CTNNA3: variants seen among roughly 807,000 people sequenced by gnomAD.
The protein encoded by CTNNA3 is catenin alpha 3.
CTNNA3 carries 76 observed loss-of-function variants against 95.7 expected under a neutral mutation model. The observed-to-expected ratio is 0.79, with a 90% CI of 0.66 to 0.96. The LOEUF is 0.96. Ranked by LOEUF, CTNNA3 falls within the 40% of genes least tolerant of loss-of-function variation. CTNNA3 has a pLI of 0.00. For missense variants in CTNNA3, 1,191 were observed against 1,089.8 expected, an observed-to-expected ratio of 1.09 and a Z score of -1.31; for synonymous variants, 431 against 374.4, an observed-to-expected ratio of 1.15 and a Z score of -1.74.
At chr10:67,580,098 C>T (rs1001821229) in intron 3 of CTNNA3, among the ~76,000 whole-genome samples, 4 of 152,080 alleles carry the variant, frequency 2.6e-5, no homozygotes, top group African/African-American at 9.7e-5. Flanking sequence ...GTTGCCATTG[C>T]TTTTGGTTTT....
At chr10:66,947,312 A>C (rs1848323786) in intron 7 of CTNNA3, among the ~76,000 whole-genome samples, 1 of 152,174 alleles carries the variant, frequency 6.6e-6, no homozygotes, top group Non-Finnish European at 1.5e-5. Context: ...AGGTCCCACT[A>C]TATTAAAGGA....
At chr10:66,053,456 C>T (rs1334602099) in intron 15 of CTNNA3, among the ~76,000 whole-genome samples, 3 of 151,900 alleles carry the variant, frequency 2.0e-5, no homozygotes, top group Non-Finnish European at 2.9e-5. Flanking sequence ...GAAATAAACG[C>T]ATCATGGAGC....
rs369751783 is a variant in CTNNA3 at position 66,624,268 on chromosome 10, A to T, written c.1282-2484T>A. The stretch of plus-strand genomic sequence containing the variant: ...TTGTTTTGTCACCTATAAAATGAGT[A>T]TGATAATGATGACCTCACTGGGATG... On this transcript the variant is annotated intron_variant, in intron 9 of 17. Transcript: ENST00000433211. Among the ~76,000 whole-genome samples the T allele has an allele frequency of 2.0e-5, 3 of 152,264 alleles. No homozygotes were observed. The East Asian group carries it at 5.8e-4, about 29-fold the overall frequency.
intron 5 of CTNNA3, among the ~76,000 whole-genome samples, chr10:67,391,733 C>A (rs1410360208): frequency 6.7e-6 from 1 of 148,592 alleles, no homozygotes; most frequent in Non-Finnish European, 1.5e-5. Flanking sequence ...CAGAACAGAG[C>A]CCTCAGAAAT....
intron 7 of CTNNA3, among the ~76,000 whole-genome samples, chr10:67,094,879 T>A (rs950772290): frequency 1.3e-5 from 2 of 151,666 alleles, no homozygotes; most frequent in African/African-American, 2.4e-5. Context: ...GTATGTATAC[T>A]ATATTTACAT....
In CTNNA3 at chr10:66,998,133, A is replaced by G. The variant is rs1302643334; in HGVS notation, c.1047+182184T>C. The stretch of plus-strand genomic sequence containing the variant: ...GATGCCATTCCCCTACATAAATAAG[A>G]TGCAAACCAAATTCCTAACACGGCA... On this transcript the variant is annotated intron_variant, in intron 7 of 17. Transcript: ENST00000433211. 2.0e-5 allele frequency among the ~76,000 whole-genome samples: 3 copies of G among 152,190 alleles called. No homozygotes were observed. The East Asian group carries it at 5.8e-4, about 29-fold the overall frequency.
At chr10:66,023,305 T>C (rs2079261238) in intron 15 of CTNNA3, among the ~76,000 whole-genome samples, 1 of 152,188 alleles carries the variant, frequency 6.6e-6, no homozygotes, top group African/African-American at 2.4e-5. Flanking sequence ...AGTCACAACT[T>C]TGCATTTAGT....
chr10:66,788,292 C>G (rs1028393304), intron 7 of CTNNA3, among the ~76,000 whole-genome samples: 6 of 152,134 alleles, frequency 3.9e-5, no homozygotes, highest in African/African-American at 1.4e-4. Flanking sequence ...GAGCCATAAA[C>G]TAAGCCTCTC....
chr10:67,405,406 C>CA (rs1317317407), intron 5 of CTNNA3, among the ~76,000 whole-genome samples: 5 of 151,716 alleles, frequency 3.3e-5, no homozygotes, highest in African/African-American at 4.8e-5. Context: ...TAGCATCTAA[C>CA]AAAAAAAGAC....
chr10:66,942,552 C>T (rs1251778580), intron 7 of CTNNA3, among the ~76,000 whole-genome samples: 2 of 46,938 alleles, frequency 4.3e-5, no homozygotes, highest in East Asian at 7.9e-4. Context: ...CATAATGTCT[C>T]TCTCTCTCTC....
upstream of CTNNA3, among the ~76,000 whole-genome samples, chr10:67,699,691 G>C (rs1841018747): frequency 6.6e-6 from 1 of 152,218 alleles, no homozygotes; most frequent in Non-Finnish European, 1.5e-5. Flanking sequence ...CCCAGCATGA[G>C]CGACGCAGAA....
intron 7 of CTNNA3, among the ~76,000 whole-genome samples, chr10:67,054,405 G>T (rs1855297592): frequency 6.6e-6 from 1 of 152,082 alleles, no homozygotes; most frequent in East Asian, 1.9e-4. Flanking sequence ...AGGACAGCAG[G>T]ATCACACCAT....
Position 67,584,821 on chromosome 10 carries a change from G to C in CTNNA3, c.292+22036C>G, listed in dbSNP as rs531626491. ...ACCTTGCAGTTCCATCTCAAACTGT[G>C]TGCTAGCAATGAGCGAGGCTCCATG... On this transcript the variant is annotated intron_variant, in intron 3 of 17. Transcript: ENST00000433211. Among the ~76,000 whole-genome samples the C allele has an allele frequency of 2.6e-5, 4 of 152,320 alleles. No homozygotes were observed. The East Asian group carries it at 7.7e-4, about 29-fold the overall frequency.
intron 5 of CTNNA3, among the ~76,000 whole-genome samples, chr10:67,329,742 T>C (rs746876277): frequency 9.9e-5 from 15 of 152,204 alleles, no homozygotes; most frequent in Non-Finnish European, 1.9e-4. Flanking sequence ...CATTGTTAAG[T>C]AGGTATGAAA....
chr10:67,205,364 T>C (rs979479445), intron 6 of CTNNA3, among the ~76,000 whole-genome samples: 3 of 152,190 alleles, frequency 2.0e-5, no homozygotes, highest in African/African-American at 7.2e-5. Context: ...GTATGAAGGT[T>C]TTCTGGCAGA....
intron 9 of CTNNA3, among the ~76,000 whole-genome samples, chr10:66,662,230 A>G (rs549187645): frequency 1.3e-5 from 2 of 152,338 alleles, no homozygotes; most frequent in Admixed American, 1.3e-4. Flanking sequence ...TCTTAAAACA[A>G]TGGAGACATT....
At chr10:67,651,687 G>C (rs1173539792) in intron 1 of CTNNA3, among the ~76,000 whole-genome samples, 2 of 152,016 alleles carry the variant, frequency 1.3e-5, no homozygotes, top group African/African-American at 4.8e-5. Flanking sequence ...CAAAAATATA[G>C]ATATATCATG....
intron 17 of CTNNA3, 115 bp from the exon 18 acceptor site, chr10:65,920,732 G>C (rs546591305): frequency 8.7e-7 from 1 of 1,146,240 alleles, no homozygotes; most frequent in African/African-American, 1.5e-5. Context: ...AGGCTGAGGA[G>C]GGAGGATCAC....
intron 12 of CTNNA3, among the ~76,000 whole-genome samples, chr10:66,318,205 A>G (rs747863896): frequency 6.6e-6 from 1 of 151,462 alleles, no homozygotes; most frequent in Non-Finnish European, 1.5e-5. Flanking sequence ...CAAGTCATCT[A>G]TGAATAGTTA....
Sources: gnomAD v4.1 joint callset for allele counts (sites outside exome capture counted in the v4.1 genomes callset) on GRCh38, gnomAD v4.1.1 for gene constraint, MANE v1.5 for transcripts, NCBI Gene and HGNC (gene_info 2026-07-23, HGNC 2026-07-21) for gene names.